MARS1: variants seen among roughly 807,000 people sequenced by gnomAD.
The protein encoded by MARS1 is methionyl-tRNA synthetase 1, also known as methionine--tRNA ligase, cytoplasmic.
In MARS1, 80 loss-of-function variants were observed where a neutral mutation model predicts 119.5. That is an observed-to-expected ratio of 0.67 (90% CI 0.56 to 0.81). The LOEUF (loss-of-function observed/expected upper bound fraction) is 0.81, where lower values mean the gene tolerates loss of function less well. MARS1 is among the 30% of genes least tolerant of loss of function. The probability of loss-of-function intolerance (pLI) is 0.00; values close to 1 mark genes in which losing one functional copy is unlikely to be tolerated. For synonymous variants in MARS1, 418 were observed against 433.4 expected, an observed-to-expected ratio of 0.96 and a Z score of 0.44; for missense variants, 945 against 1,116.5, an observed-to-expected ratio of 0.85 and a Z score of 2.19.
At chr12:57,509,842 T>C (rs902875000) in intron 11 of MARS1, among the ~76,000 whole-genome samples, 1 of 152,216 alleles carries the variant, frequency 6.6e-6, no homozygotes, top group Non-Finnish European at 1.5e-5. Flanking sequence ...TGGTTCTCAA[T>C]AGGCATCAGC....
At chr12:57,498,382 A>C (rs2036412243) in intron 8 of MARS1, 38 bp from the exon 9 acceptor site, 2 of 1,606,530 alleles carry the variant, frequency 1.2e-6, no homozygotes, top group African/African-American at 1.3e-5. Context: ...GGAAGCGCTG[A>C]AGCGGGGCCC....
chr12:57,506,996 C>T (rs1374327815), intron 11 of MARS1, among the ~76,000 whole-genome samples: 1 of 150,366 alleles, frequency 6.7e-6, no homozygotes, highest in Non-Finnish European at 1.5e-5. Flanking sequence ...GAGGACCCTG[C>T]GGCCTTCCGC....
At chr12:57,511,141 T>TC (rs1198153746) in intron 11 of MARS1, among the ~76,000 whole-genome samples, 1 of 20,286 alleles carries the variant, frequency 4.9e-5, no homozygotes, top group Non-Finnish European at 4.8e-4. Context: ...TTTTTAAAAA[T>TC]TAAAAAAAAA....
At chr12:57,507,073 C>T (rs1877216706) in intron 11 of MARS1, among the ~76,000 whole-genome samples, 1 of 150,112 alleles carries the variant, frequency 6.7e-6, no homozygotes, top group Non-Finnish European at 1.5e-5. Context: ...ATGCTGCCTT[C>T]AAGCATCTGT....
chr12:57,488,277 C>A, intron 1 of MARS1, 78 bp downstream of exon 1: 3 of 1,383,352 alleles, frequency 2.2e-6, no homozygotes, highest in Non-Finnish European at 2.0e-6. Flanking sequence ...GCTGTCTTTG[C>A]CAAACCCCTA....
Position 57,516,535 on chromosome 12 carries a change from C to G in MARS1, c.2657C>G (p.Ala886Gly). Reference sequence around the variant, plus strand: ...GATCTAAAGAAACAGTTGGCTGTAGCTGAGGGGAAACCCCCTGAAGCCCCT... The same window carrying G: ...GATCTAAAGAAACAGTTGGCTGTAGGTGAGGGGAAACCCCCTGAAGCCCCT... ...LLDLKKQLAV[A>G]EGKPPEAPKG... The change falls in exon 21 of 21, where the codon GCT becomes GGT. Residue 886 changes from alanine to glycine, a missense_variant. Transcript: ENST00000262027. 3.1e-6 allele frequency: 5 copies of G among 1,610,024 alleles called. No homozygotes were observed. Among genetic ancestry groups the G allele is most frequent in the Non-Finnish European group, 4.2e-6 (5 of 1,178,892 alleles).
intron 1 of MARS1, 170 bp downstream of exon 1, chr12:57,488,369 T>A: frequency 1.4e-6 from 1 of 728,192 alleles, no homozygotes; most frequent in Non-Finnish European, 2.2e-6. Context: ...GTCACATCTT[T>A]CACTTCCTTT....
At chr12:57,488,783 C>A (rs1875677508) in intron 1 of MARS1, 8 of 930,122 alleles carry the variant, frequency 8.6e-6, no homozygotes, top group Non-Finnish European at 8.4e-6. Context: ...ATACCACCAC[C>A]TCCTCTGCAG....
At position 57,512,039 on chromosome 12, in the gene MARS1, G is replaced by C. The variant is rs1286983188; in HGVS notation, c.1571G>C (p.Gly524Ala). The change falls in exon 13 of 21, where the codon GGC becomes GCC. Residue 524 changes from glycine to alanine, a missense_variant. Coordinates refer to ENST00000262027, the MANE Select transcript of MARS1 (RefSeq NM_004990.4). ...VFYVWFDATI[G>A]YLSITANYTD... ...TATGTCTGGTTTGATGCCACTATTG[G>C]CTATCTGTCCATCACAGCCAACTAC... 1.9e-6 allele frequency: 3 copies of C among 1,614,134 alleles called. No homozygotes were observed. Among genetic ancestry groups the C allele is most frequent in the Non-Finnish European group, 2.5e-6 (3 of 1,180,030 alleles).
intron 10 of MARS1, among the ~76,000 whole-genome samples, chr12:57,501,476 C>A (rs112116601): frequency 0.02 from 2,997 of 152,188 alleles, 92 homozygotes; most frequent in African/African-American, 0.068. Context: ...CTTGAAGCCA[C>A]GAGTTTGAGA....
intron 11 of MARS1, among the ~76,000 whole-genome samples, chr12:57,509,616 G>GTCT (rs1877412148): frequency 6.6e-6 from 1 of 152,076 alleles, no homozygotes. Context: ...CACCATGTTG[G>GTCT]CCAGGCTGGT....
rs1450260973 is a variant in MARS1, at chr12:57,515,325, C to A, written c.2380C>A (p.Gln794Lys). 2 of 1,612,744 alleles carry A rather than the reference C, an allele frequency of 1.2e-6. No individual in the cohort carries two copies. Among genetic ancestry groups the A allele is most frequent in the Admixed American group, 3.3e-5 (2 of 59,988 alleles). Residue 794 changes from glutamine (Q) to lysine (K), a missense_variant, in exon 18 of 21, where the codon CAG (glutamine) becomes AAG (lysine). By Grantham distance (53) the Gln-to-Lys change is moderately conservative. Transcript: ENST00000262027. ...CCTGTGTACCTTACCAGCAGGACAC[C>A]AGATTGGCACAGTAGGTGGAAGAGC... ...NFLCTLPAGH[Q>K]IGTVSPLFQK...
At chr12:57,515,553 A>G (rs1877761325) in intron 18 of MARS1, 3 of 589,990 alleles carry the variant, frequency 5.1e-6, no homozygotes, top group East Asian at 2.8e-5. Context: ...CACAAAACTA[A>G]CTGGTAAACA....
chr12:57,493,342 ATATAATATATATTATATGATATG>A (rs1360940090), intron 7 of MARS1, among the ~76,000 whole-genome samples: 1 of 98,020 alleles, frequency 1.0e-5, no homozygotes, highest in African/African-American at 4.4e-5. Context: ...AATATATGTT[ATATAATATATATTATATGATATG>A]TATAATATAT....
chr12:57,496,393 G>A (rs1011824974), intron 7 of MARS1, among the ~76,000 whole-genome samples: 2 of 150,852 alleles, frequency 1.3e-5, no homozygotes, highest in Non-Finnish European at 3.0e-5. Flanking sequence ...CTTGAGCTCC[G>A]ACCTCGTGAT....
At position 57,489,084 on chromosome 12, in the gene MARS1, C is replaced by T. The variant is rs758988258; in HGVS notation, c.175C>T (p.Leu59Phe). The change falls in exon 2 of 21, where the codon CTC (leucine) becomes TTC (phenylalanine). Residue 59 changes from leucine (L) to phenylalanine (F), a missense_variant. Coordinates refer to ENST00000262027, the MANE Select transcript of MARS1 (RefSeq NM_004990.4). ...CTTGCAGCTGGATAGCGGCAACTAC[C>T]TCTTCTCCACTAGTGCAATCTGCCG... ...PVLQLDSGNY[L>F]FSTSAICRYF... 1.2e-6 allele frequency: 2 copies of T among 1,614,064 alleles called. No homozygotes were observed. The highest frequency in any genetic ancestry group is 1.7e-6 in the Non-Finnish European group (2 of 1,180,018).
Position 57,515,033 on chromosome 12 carries a change from C to T in MARS1, c.2179C>T (p.Arg727Trp), listed in dbSNP as rs369861995. The T allele has an allele frequency of 1.7e-5, 27 of 1,614,020 alleles. No homozygotes were observed. Among genetic ancestry groups the T allele is most frequent in the African/African-American group, 1.1e-4 (8 of 74,892 alleles). ...QYIQVNEPWK[R>W]IKGSEADRQR... Reference sequence around the variant, plus strand: ...TATTCAGGTGAATGAGCCCTGGAAGCGGATTAAAGGCAGTGAGGCTGACAG... The same window carrying T: ...TATTCAGGTGAATGAGCCCTGGAAGTGGATTAAAGGCAGTGAGGCTGACAG... Residue 727 changes from arginine (R) to tryptophan (W), a missense_variant, in exon 17 of 21, where the codon CGG becomes TGG. Arg to Trp is a moderately radical substitution (Grantham distance 101). Coordinates refer to ENST00000262027, the MANE Select transcript of MARS1 (RefSeq NM_004990.4).
At chr12:57,493,756 ATT>A (rs1876329821) in intron 7 of MARS1, among the ~76,000 whole-genome samples, 1 of 3,938 alleles carries the variant, frequency 2.5e-4, no homozygotes, top group South Asian at 0.012. Flanking sequence ...TATACATTAT[ATT>A]ATATATATTA....
rs755629531 is a variant in MARS1, at chr12:57,490,640, C to T, written c.766C>T (p.Pro256Ser). The change falls in exon 7 of 21, where the codon CCA (proline) becomes TCA (serine). Residue 256 changes from proline (P) to serine (S), a missense_variant. Transcript: ENST00000262027. Reference sequence around the variant, plus strand: ...GCCCCCGCTGCGGCCCCAGCAGAATCCAGTGTGAGTAGACATGGCACATGT... The same window carrying T: ...GCCCCCGCTGCGGCCCCAGCAGAATTCAGTGTGAGTAGACATGGCACATGT... ...SLPPLRPQQNPVLPVAGERNV... is the reference protein window; with the variant it reads ...SLPPLRPQQNSVLPVAGERNV... 5.0e-6 allele frequency: 8 copies of T among 1,613,870 alleles called. No individual in the cohort carries two copies. The highest frequency in any genetic ancestry group is 6.8e-6 in the Non-Finnish European group (8 of 1,179,906).
Sources: gnomAD v4.1 joint callset for allele counts (sites outside exome capture counted in the v4.1 genomes callset) on GRCh38, gnomAD v4.1.1 for gene constraint, MANE v1.5 for transcripts, NCBI Gene and HGNC (gene_info 2026-07-23, HGNC 2026-07-21) for gene names.